Variants in TEAD1 observed in about 807,000 individuals in gnomAD.
The protein encoded by TEAD1 is transcriptional enhancer factor TEF-1.
In TEAD1, 9 loss-of-function variants were observed where a neutral mutation model predicts 54.9. The observed-to-expected ratio is 0.16, with a 90% CI of 0.10 to 0.29. The LOEUF is 0.29. Among genes scored for constraint, TEAD1 ranks in the 10% least tolerant of loss-of-function variants. TEAD1 has a pLI of 1.00. For missense variants in TEAD1, 387 were observed against 535.9 expected, an observed-to-expected ratio of 0.72 and a Z score of 2.74; for synonymous variants, 200 against 187.8, an observed-to-expected ratio of 1.07 and a Z score of -0.53.
chr11:12,711,924 TA>T (rs1313147535), intron 2 of TEAD1, among the ~76,000 whole-genome samples: 3 of 152,140 alleles, frequency 2.0e-5, no homozygotes, highest in Admixed American at 6.5e-5. Context: ...TCTCATCTTT[TA>T]TTTCTCAGGG....
intron 4 of TEAD1, among the ~76,000 whole-genome samples, chr11:12,864,140 A>C (rs1466440007): frequency 1.3e-5 from 2 of 151,940 alleles, no homozygotes; most frequent in Non-Finnish European, 2.9e-5. Context: ...TTTACATGTC[A>C]GTATTATTTT....
chr11:12,788,969 C>G (rs1370771730), intron 3 of TEAD1, among the ~76,000 whole-genome samples: 1 of 152,138 alleles, frequency 6.6e-6, no homozygotes, highest in Non-Finnish European at 1.5e-5. Flanking sequence ...ACGCTGGTCT[C>G]AAGCCCCTGG....
chr11:12,718,036 G>A (rs1360248832), intron 2 of TEAD1, among the ~76,000 whole-genome samples: 2 of 152,206 alleles, frequency 1.3e-5, no homozygotes, highest in Non-Finnish European at 2.9e-5. Context: ...TGGTGGTGGT[G>A]AAGGTAGAGG....
rs571389617 is a variant in TEAD1 at position 12,799,181 on chromosome 11, C to T, written c.202+34747C>T. On this transcript the variant is annotated intron_variant, in intron 3 of 12. Coordinates refer to ENST00000527636, the MANE Select transcript of TEAD1 (RefSeq NM_021961.6). ...CCTGTCTACCAAATTAGAAAAGTTC[C>T]AGGCGTTTATCTCAGTGTTTTACAA... 4.6e-5 allele frequency among the ~76,000 whole-genome samples: 7 copies of T among 152,274 alleles called. No homozygotes were observed. The East Asian group carries it at 1.3e-3, about 29-fold the overall frequency.
chr11:12,840,292 G>A (rs2134032800), intron 3 of TEAD1, among the ~76,000 whole-genome samples: 1 of 146,950 alleles, frequency 6.8e-6, no homozygotes, highest in Non-Finnish European at 1.5e-5. Flanking sequence ...ACGAAATCGG[G>A]CCAAGGCAAG....
intron 3 of TEAD1, among the ~76,000 whole-genome samples, chr11:12,818,197 A>G (rs571594119): frequency 1.3e-5 from 2 of 152,232 alleles, no homozygotes; most frequent in Admixed American, 6.5e-5. Context: ...CTTTTCATCT[A>G]TATGACGTTA....
At chr11:12,835,470 C>G (rs541351284) in intron 3 of TEAD1, among the ~76,000 whole-genome samples, 3 of 150,506 alleles carry the variant, frequency 2.0e-5, no homozygotes, top group Admixed American at 6.6e-5. Flanking sequence ...CCAGCACACC[C>G]GGCTAATTTT....
chr11:12,798,962 C>T (rs562827158), intron 3 of TEAD1, among the ~76,000 whole-genome samples: 1 of 152,324 alleles, frequency 6.6e-6, no homozygotes, highest in East Asian at 1.9e-4. Flanking sequence ...AAAACCCCCC[C>T]CAGGCATTCT....
chr11:12,680,626 C>T (rs1358277240), intron 2 of TEAD1, among the ~76,000 whole-genome samples: 2 of 152,228 alleles, frequency 1.3e-5, no homozygotes, highest in African/African-American at 4.8e-5. Flanking sequence ...CCTGATCTAT[C>T]CCCGTACACG....
intron 2 of TEAD1, among the ~76,000 whole-genome samples, chr11:12,749,298 T>A (rs1944815421): frequency 6.6e-6 from 1 of 152,094 alleles, no homozygotes; most frequent in Non-Finnish European, 1.5e-5. Flanking sequence ...TGGAAATGGA[T>A]TACATTTTAA....
chr11:12,913,666 A>G (rs186296349), intron 10 of TEAD1, among the ~76,000 whole-genome samples: 5 of 152,340 alleles, frequency 3.3e-5, no homozygotes, highest in Admixed American at 2.0e-4. Context: ...TTGCATTTCA[A>G]ATAAACAGTG....
chr11:12,909,732 T>G lies in TEAD1; in HGVS notation c.873+7619T>G, dbSNP rs566380648. Among the ~76,000 whole-genome samples the G allele has an allele frequency of 1.6e-4, 24 of 152,326 alleles. 1 individual carries two copies. Among genetic ancestry groups the G allele is most frequent in the Admixed American group, 1.6e-3 (24 of 15,300 alleles). ...TATTATCACCTGACCCTGGCCAGCA[T>G]AGAAGACATCTTGCCATTCCCTGGA... On this transcript the variant is annotated intron_variant, in intron 10 of 12. Coordinates refer to ENST00000527636, the MANE Select transcript of TEAD1 (RefSeq NM_021961.6).
At chr11:12,924,251 T>A (rs748044316) in intron 10 of TEAD1, among the ~76,000 whole-genome samples, 1 of 151,268 alleles carries the variant, frequency 6.6e-6, no homozygotes, top group Non-Finnish European at 1.5e-5. Context: ...AGTCATACCT[T>A]CCATTGCTGC....
intron 3 of TEAD1, among the ~76,000 whole-genome samples, chr11:12,854,079 G>A (rs1042167854): frequency 6.6e-6 from 1 of 152,174 alleles, no homozygotes; most frequent in African/African-American, 2.4e-5. Flanking sequence ...TGACAACCCT[G>A]AATGGGCGGC....
At chr11:12,702,125 T>C (rs912908131) in intron 2 of TEAD1, among the ~76,000 whole-genome samples, 1 of 152,126 alleles carries the variant, frequency 6.6e-6, no homozygotes. Context: ...CCTTTATCCA[T>C]GGTGTGCCCA....
chr11:12,746,249 TTTTA>T (rs1323876690), intron 2 of TEAD1, among the ~76,000 whole-genome samples: 1 of 152,192 alleles, frequency 6.6e-6, no homozygotes, highest in African/African-American at 2.4e-5. Context: ...AATAAATGCT[TTTTA>T]TTAGCCTTTT....
At chr11:12,848,378 C>T (rs1025958259) in intron 3 of TEAD1, among the ~76,000 whole-genome samples, 5 of 152,160 alleles carry the variant, frequency 3.3e-5, no homozygotes, top group African/African-American at 1.2e-4. Flanking sequence ...AATTAGAGAA[C>T]TTTAAAGTGA....
At chr11:12,906,789 G>A (rs999865717) in intron 10 of TEAD1, among the ~76,000 whole-genome samples, 1 of 152,078 alleles carries the variant, frequency 6.6e-6, no homozygotes, top group Admixed American at 6.5e-5. Flanking sequence ...TCAGTGTATT[G>A]TTTTTCACAG....
chr11:12,694,559 C>T (rs1255128325), intron 2 of TEAD1, among the ~76,000 whole-genome samples: 1 of 152,160 alleles, frequency 6.6e-6, no homozygotes, highest in East Asian at 1.9e-4. Flanking sequence ...TATTTTTCTC[C>T]TTTATGAGCA....
Sources: gnomAD v4.1 joint callset for allele counts (sites outside exome capture counted in the v4.1 genomes callset) on GRCh38, gnomAD v4.1.1 for gene constraint, MANE v1.5 for transcripts, NCBI Gene and HGNC (gene_info 2026-07-23, HGNC 2026-07-21) for gene names.